Variants in UPRT observed in about 807,000 individuals in gnomAD.
UPRT encodes RP11-311P8.3.
A neutral mutation model predicts 22.6 loss-of-function variants in UPRT; 5 were observed. The observed-to-expected ratio is 0.22, with a 90% CI of 0.12 to 0.47. The LOEUF (loss-of-function observed/expected upper bound fraction) is 0.47. UPRT is among the 20% of genes least tolerant of loss of function. The pLI is 0.99. For missense variants in UPRT, 181 were observed against 239.9 expected (o/e 0.75, Z 1.62); for synonymous variants, 77 against 87.7 (o/e 0.88, Z 0.68).
intron 4 of UPRT, among the ~76,000 whole-genome samples, chrX:75,244,045 C>G (rs1439651711): frequency 9.0e-6 from 1 of 111,392 alleles, no homozygotes; most frequent in Non-Finnish European, 1.9e-5. Flanking sequence ...GGTTGCAATT[C>G]TTATCATCCA....
At chrX:75,193,136 A>G (rs149825374) in intron 4 of UPRT, among the ~76,000 whole-genome samples, 1,253 of 111,991 alleles carry the variant, frequency 0.011, 20 homozygotes, top group African/African-American at 0.039. Flanking sequence ...GCACTCCTTC[A>G]TGACCTCTTT....
intron 3 of UPRT, among the ~76,000 whole-genome samples, chrX:75,163,348 C>T (rs1389554950): frequency 8.9e-6 from 1 of 111,780 alleles, no homozygotes; most frequent in Non-Finnish European, 1.9e-5. Context: ...TAAGACCCAC[C>T]CAAGATAATC....
intron 4 of UPRT, among the ~76,000 whole-genome samples, chrX:75,261,973 A>C (rs2147670361): frequency 9.0e-6 from 1 of 111,327 alleles, no homozygotes; most frequent in African/African-American, 3.3e-5. Context: ...ACTCCAAGAC[A>C]CATAATATTC....
At chrX:75,288,007 C>G (rs906122521) in intron 1 of UPRT, among the ~76,000 whole-genome samples, 5 of 111,076 alleles carry the variant, frequency 4.5e-5, no homozygotes, top group African/African-American at 6.5e-5. Context: ...ACAAATAATC[C>G]CATGTAAATA....
chrX:75,199,451 C>A (rs12843055), intron 4 of UPRT, among the ~76,000 whole-genome samples: 2 of 111,158 alleles, frequency 1.8e-5, no homozygotes, highest in African/African-American at 6.6e-5. Flanking sequence ...AAGGGAAAGA[C>A]CCAGTCCTGG....
At position 75,224,447 on chromosome X, in the gene UPRT, C is replaced by T. The variant is rs137871168; in HGVS notation, c.-447+56568C>T. Among the ~76,000 whole-genome samples the T allele has an allele frequency of 7.1e-3, 776 of 109,958 alleles. 2 individuals are homozygous for T. The highest frequency in any genetic ancestry group is 0.027 in the South Asian group (69 of 2,548). On this transcript the variant is annotated intron_variant, in intron 4 of 13. Coordinates refer to the UPRT transcript ENST00000652605. ...TTAGAATAAATTATTTCAGTGACCT[C>T]TATCTCCCTTCCCTCCTCCTTACCA...
At chrX:75,254,032 G>A (rs1277830619) in intron 4 of UPRT, among the ~76,000 whole-genome samples, 1 of 111,476 alleles carries the variant, frequency 9.0e-6, no homozygotes, top group African/African-American at 3.3e-5. Context: ...GCTGAACTTT[G>A]TAACAACTTG....
At chrX:75,250,407 C>A (rs1159718905) in intron 4 of UPRT, among the ~76,000 whole-genome samples, 7 of 111,160 alleles carry the variant, frequency 6.3e-5, no homozygotes. Context: ...GAAATACAAA[C>A]TACCATGAAA....
chrX:75,288,984 G>C (rs986455607), intron 1 of UPRT, among the ~76,000 whole-genome samples: 2 of 111,645 alleles, frequency 1.8e-5, no homozygotes, highest in African/African-American at 6.5e-5. Flanking sequence ...AATGACTTCA[G>C]TAGTGTTTCA....
intron 2 of UPRT, among the ~76,000 whole-genome samples, chrX:75,295,786 CCTTTT>C (rs1390644398): frequency 9.0e-6 from 1 of 111,673 alleles, no homozygotes; most frequent in Non-Finnish European, 1.9e-5. Flanking sequence ...TTGATATGAG[CCTTTT>C]CTTTAGCTGA....
At chrX:75,206,753 C>T in intron 4 of UPRT, among the ~76,000 whole-genome samples, 1 of 110,977 alleles carries the variant, frequency 9.0e-6, no homozygotes, top group Middle Eastern at 4.7e-3. Flanking sequence ...CAACCTCCAC[C>T]TCCTGGGTTC....
chrX:75,211,545 C>T (rs1489407422), intron 4 of UPRT, among the ~76,000 whole-genome samples: 1 of 110,964 alleles, frequency 9.0e-6, no homozygotes, highest in Non-Finnish European at 1.9e-5. Flanking sequence ...GTCAGAGCCA[C>T]CCAGAAAAGG....
chrX:75,172,128 G>A (rs771148065), intron 4 of UPRT, among the ~76,000 whole-genome samples: 1 of 111,913 alleles, frequency 8.9e-6, no homozygotes, highest in African/African-American at 3.2e-5. Context: ...TCAGGTGATC[G>A]GTGGAGCTCT....
chrX:75,274,109 G>T lies in UPRT; in HGVS notation c.-146G>T. 1 of 899,279 alleles carries T rather than the reference G, an allele frequency of 1.1e-6. No individual in the cohort carries two copies. The highest frequency in any genetic ancestry group is 1.5e-6 in the Non-Finnish European group (1 of 665,831). 74.1% of individuals were successfully genotyped at this position (899,279 alleles called of 1,213,427 possible). ...CAAAGTGTGCTAAAGGAAACCAACAGCGGCCTAGGGGTGAAAGGACAGCCA... is the reference window on the plus strand; with the variant it reads ...CAAAGTGTGCTAAAGGAAACCAACATCGGCCTAGGGGTGAAAGGACAGCCA... On this transcript the variant is annotated 5_prime_UTR_variant, in exon 1 of 7. Transcript: ENST00000373383.
At chrX:75,161,577 TATTA>T (rs1260055199) in intron 2 of UPRT, among the ~76,000 whole-genome samples, 1 of 112,321 alleles carries the variant, frequency 8.9e-6, no homozygotes, top group Non-Finnish European at 1.9e-5. Context: ...TAATAACAGC[TATTA>T]ATTATCGAGT....
At chrX:75,184,473 G>A (rs1159611840) in intron 4 of UPRT, among the ~76,000 whole-genome samples, 1 of 104,754 alleles carries the variant, frequency 9.5e-6, no homozygotes, top group Non-Finnish European at 2.0e-5. Flanking sequence ...CTCCAGCTTT[G>A]TTCTTTTGGC....
intron 4 of UPRT, among the ~76,000 whole-genome samples, chrX:75,191,370 G>A (rs2147618312): frequency 8.9e-6 from 1 of 111,986 alleles, no homozygotes; most frequent in South Asian, 3.8e-4. Flanking sequence ...GGCCGTGTGA[G>A]GTGTCAGTCT....
intron 4 of UPRT, among the ~76,000 whole-genome samples, chrX:75,195,992 C>G (rs2082331505): frequency 1.8e-5 from 2 of 111,744 alleles, no homozygotes; most frequent in Non-Finnish European, 3.8e-5. Flanking sequence ...TTTGGCTATT[C>G]TGTGTCCCTT....
intron 4 of UPRT, among the ~76,000 whole-genome samples, chrX:75,267,258 G>A (rs1310840871): frequency 2.7e-5 from 3 of 111,894 alleles, no homozygotes; most frequent in Non-Finnish European, 5.6e-5. Context: ...AAAAAAGGAT[G>A]AGCTCATGAC....
Sources: gnomAD v4.1 joint callset for allele counts (sites outside exome capture counted in the v4.1 genomes callset) on GRCh38, gnomAD v4.1.1 for gene constraint, MANE v1.5 for transcripts, NCBI Gene and HGNC (gene_info 2026-07-23, HGNC 2026-07-21) for gene names.